The following CNTLN variants were observed in gnomAD, a reference collection of about 807,000 sequenced individuals.
CNTLN encodes the protein centlein.
A neutral mutation model predicts 180.0 loss-of-function variants in CNTLN; 212 were observed. The observed-to-expected ratio is 1.18, with a 90% CI of 1.05 to 1.32. The LOEUF is 1.32. Among genes scored for constraint, CNTLN ranks in the 40% most tolerant of loss-of-function variants. The pLI, the probability that CNTLN is intolerant of heterozygous loss-of-function variation, is 0.00. For missense variants in CNTLN, 2,095 were observed against 1,610.9 expected, an observed-to-expected ratio of 1.30 and a Z score of -5.14; for synonymous variants, 722 against 563.1, an observed-to-expected ratio of 1.28 and a Z score of -3.99.
Position 17,195,506 on chromosome 9 carries a change from TC to T in CNTLN, c.450-30696del, listed in dbSNP as rs1587094375. ...TATCTGGTTTTATTGTCTTGAGTCT[TC>T]TTGGAGCTTGTTTTTATGAGTTTTT... On this transcript the variant is annotated intron_variant, in intron 2 of 25. Coordinates refer to ENST00000380647, the MANE Select transcript of CNTLN (RefSeq NM_017738.4). Among the ~76,000 whole-genome samples the T allele has an allele frequency of 2.6e-5, 4 of 152,308 alleles. No individual in the cohort carries two copies. The East Asian group carries it at 7.7e-4, about 29-fold the overall frequency.
intron 2 of CNTLN, among the ~76,000 whole-genome samples, chr9:17,159,167 A>T (rs1318672442): frequency 6.6e-6 from 1 of 151,948 alleles, no homozygotes; most frequent in East Asian, 1.9e-4. Context: ...ATTTTGTTCC[A>T]TTGCATTAAA....
chr9:17,418,382 A>G (rs780230533), intron 18 of CNTLN, among the ~76,000 whole-genome samples: 19 of 152,018 alleles, frequency 1.2e-4, no homozygotes, highest in Non-Finnish European at 2.8e-4. Context: ...ACATAGATAC[A>G]GACAAATTCT....
intron 2 of CNTLN, among the ~76,000 whole-genome samples, chr9:17,195,959 G>T (rs1822103344): frequency 6.6e-6 from 1 of 152,138 alleles, no homozygotes; most frequent in South Asian, 2.1e-4. Context: ...AAGGAATTTT[G>T]AAAATGATAG....
chr9:17,527,053 C>G, the CNTLN span, among the ~76,000 whole-genome samples: 2 of 152,026 alleles, frequency 1.3e-5, no homozygotes, highest in African/African-American at 4.8e-5. Flanking sequence ...AAGCTATTTT[C>G]TGTATTTTTA....
At chr9:17,257,642 T>C (rs951131249) in intron 5 of CNTLN, among the ~76,000 whole-genome samples, 6 of 151,490 alleles carry the variant, frequency 4.0e-5, no homozygotes, top group African/African-American at 1.2e-4. Flanking sequence ...GCACCTGTTG[T>C]TTCCTGACTT....
intron 3 of CNTLN, among the ~76,000 whole-genome samples, chr9:17,227,851 A>G (rs1265042190): frequency 6.6e-6 from 1 of 152,096 alleles, no homozygotes; most frequent in Non-Finnish European, 1.5e-5. Flanking sequence ...GGAAAGAAAC[A>G]TTTGTATTTA....
chr9:17,287,925 T>C (rs1258018472), intron 6 of CNTLN, among the ~76,000 whole-genome samples: 1 of 145,000 alleles, frequency 6.9e-6, no homozygotes, highest in Non-Finnish European at 1.5e-5. Flanking sequence ...TTGCTAGTGG[T>C]CTATCAATTT....
rs576532959 is a variant in CNTLN, at chr9:17,486,922, T to C, written c.4042-67T>C. ...CTGATATTACTCCAGATTTATTCAGTATCTAATAGTATAAACAAGTTCATA... is the reference window on the plus strand; with the variant it reads ...CTGATATTACTCCAGATTTATTCAGCATCTAATAGTATAAACAAGTTCATA... On this transcript the variant is annotated intron_variant, in intron 24 of 25. Transcript: ENST00000380647. 6.8e-5 allele frequency: 49 copies of C among 717,438 alleles called. No individual in the cohort carries two copies. In the African/African-American group the frequency reaches 6.9e-4, roughly 10 times the overall value. 44.4% of individuals were successfully genotyped at this position (717,438 alleles called of 1,614,324 possible).
intron 6 of CNTLN, among the ~76,000 whole-genome samples, chr9:17,295,121 C>T (rs946318594): frequency 1.3e-5 from 2 of 151,174 alleles, no homozygotes; most frequent in Non-Finnish European, 3.0e-5. Flanking sequence ...GCTGGCCGCT[C>T]TGAGTGCGGG....
intron 19 of CNTLN, among the ~76,000 whole-genome samples, chr9:17,462,271 C>G (rs953403538): frequency 1.3e-5 from 2 of 151,660 alleles, no homozygotes; most frequent in African/African-American, 4.8e-5. Context: ...ACTCATAGAT[C>G]GGACAATTGG....
intron 19 of CNTLN, among the ~76,000 whole-genome samples, chr9:17,461,770 A>T (rs879342368): frequency 2.0e-5 from 3 of 151,526 alleles, no homozygotes. Flanking sequence ...TATTCATTTA[A>T]TACCTTTAAA....
chr9:17,473,539 C>A (rs776789697), intron 23 of CNTLN, among the ~76,000 whole-genome samples: 4 of 151,414 alleles, frequency 2.6e-5, no homozygotes, highest in Non-Finnish European at 5.9e-5. Flanking sequence ...CTTTGTATCA[C>A]CAATATTCCC....
the CNTLN span, among the ~76,000 whole-genome samples, chr9:17,523,163 A>G: frequency 2.1e-3 from 314 of 152,270 alleles, 2 homozygotes; most frequent in African/African-American, 7.2e-3. Flanking sequence ...TGCCTCATCT[A>G]AAAAAGCCTT....
intron 10 of CNTLN, among the ~76,000 whole-genome samples, chr9:17,339,193 A>G (rs1821283690): frequency 6.6e-6 from 1 of 152,226 alleles, no homozygotes; most frequent in Non-Finnish European, 1.5e-5. Context: ...TAAGAGAACT[A>G]TCCTAGTAGA....
intron 2 of CNTLN, among the ~76,000 whole-genome samples, chr9:17,188,965 A>G (rs1821613494): frequency 7.1e-6 from 1 of 140,232 alleles, no homozygotes; most frequent in Non-Finnish European, 1.6e-5. Context: ...TATGAATTTT[A>G]TCTTACTGAT....
chr9:17,287,176 G>T (rs368296812), intron 6 of CNTLN, among the ~76,000 whole-genome samples: 2 of 146,926 alleles, frequency 1.4e-5, no homozygotes, highest in African/African-American at 5.1e-5. Context: ...TTTGAAATAC[G>T]TCCCATCAAT....
chr9:17,447,396 G>T (rs1408862786), intron 18 of CNTLN: 3 of 178,908 alleles, frequency 1.7e-5, no homozygotes, highest in Admixed American at 1.6e-4. Flanking sequence ...CTCCCAAACT[G>T]CCCTGGCTTG....
chr9:17,229,041 T>C (rs1001045773), intron 3 of CNTLN, among the ~76,000 whole-genome samples: 1 of 152,028 alleles, frequency 6.6e-6, no homozygotes, highest in Non-Finnish European at 1.5e-5. Flanking sequence ...TTTAATAGTT[T>C]AGTTAGAGGG....
intron 25 of CNTLN, among the ~76,000 whole-genome samples, chr9:17,499,989 T>G (rs1004771344): frequency 2.6e-5 from 4 of 152,158 alleles, no homozygotes; most frequent in African/African-American, 9.6e-5. Flanking sequence ...GTAAGATATA[T>G]GAAATTTTGT....
Sources: gnomAD v4.1 joint callset for allele counts (sites outside exome capture counted in the v4.1 genomes callset) on GRCh38, gnomAD v4.1.1 for gene constraint, MANE v1.5 for transcripts, NCBI Gene and HGNC (gene_info 2026-07-23, HGNC 2026-07-21) for gene names.